ADAMTS17: variants seen among roughly 807,000 people sequenced by gnomAD.
The protein encoded by ADAMTS17 is A disintegrin and metalloproteinase with thrombospondin motifs 17.
Under a neutral mutation model 141.5 loss-of-function variants are expected in ADAMTS17, and 113 were observed. That is an observed-to-expected ratio of 0.80 (90% CI 0.69 to 0.93). The LOEUF is 0.93. Among genes scored for constraint, ADAMTS17 ranks in the 40% least tolerant of loss-of-function variants. The probability of loss-of-function intolerance (pLI) is 0.00; values close to 1 mark genes in which losing one functional copy is unlikely to be tolerated. For synonymous variants in ADAMTS17, 768 were observed against 630.6 expected, an observed-to-expected ratio of 1.22 and a Z score of -3.27; for missense variants, 1,659 against 1,517.9, an observed-to-expected ratio of 1.09 and a Z score of -1.54.
chr15:100,014,381 C>T (rs1394980754), intron 18 of ADAMTS17, among the ~76,000 whole-genome samples: 2 of 152,024 alleles, frequency 1.3e-5, no homozygotes, highest in Non-Finnish European at 2.9e-5. Context: ...TAGTTCTGCT[C>T]TGATCTTGGT....
At chr15:100,209,704 G>C (rs1757817012) in intron 7 of ADAMTS17, among the ~76,000 whole-genome samples, 2 of 152,114 alleles carry the variant, frequency 1.3e-5, no homozygotes. Context: ...ACTCGTGGCA[G>C]AATCAGTGGC....
At chr15:100,123,723 G>A (rs866991813) in intron 12 of ADAMTS17, among the ~76,000 whole-genome samples, 7 of 152,200 alleles carry the variant, frequency 4.6e-5, no homozygotes, top group Non-Finnish European at 4.4e-5. Flanking sequence ...GGAAATCAAC[G>A]CTCCAACAGG....
Position 99,972,307 on chromosome 15 carries a change from TTAGGGGAAC to T in ADAMTS17, c.*2086_*2094del, listed in dbSNP as rs1035618128. The T allele has an allele frequency of 6.6e-6, 1 of 152,026 alleles. No homozygotes were observed. Among genetic ancestry groups the T allele is most frequent in the African/African-American group, 2.4e-5 (1 of 41,404 alleles). 9.4% of individuals were successfully genotyped at this position (152,026 alleles called of 1,614,324 possible). A position where few individuals can be genotyped will look rare whatever the true frequency, so the allele number is the denominator to read the frequency against. On this transcript the variant is annotated 3_prime_UTR_variant, in exon 22 of 22. Transcript: ENST00000268070. Reference sequence around the variant, plus strand: ...TAAAAGAGCTCTGCAGATGCAGACTTTAGGGGAACTAATGGGGGTATCTGACAATAACCC... The same window carrying T: ...TAAAAGAGCTCTGCAGATGCAGACTTTAATGGGGGTATCTGACAATAACCC...
intron 18 of ADAMTS17, among the ~76,000 whole-genome samples, chr15:100,031,430 A>G (rs2030154233): frequency 6.6e-6 from 1 of 152,244 alleles, no homozygotes; most frequent in African/African-American, 2.4e-5. Context: ...GAGTAGGACT[A>G]GAGGAAGAAG....
At position 100,152,623 on chromosome 15, in the gene ADAMTS17, T is replaced by C; in HGVS notation, c.1462A>G (p.Arg488Gly). Residue 488 changes from arginine (R) to glycine (G), a missense_variant, in exon 10 of 22, where the codon AGA (arginine) becomes GGA (glycine). Arg to Gly is a moderately radical substitution (Grantham distance 125). Transcript: ENST00000268070. ...CCACGGCTGCTTACCTCCATGTTTC[T>C]GCAGAAGGTGGCATTCATGCCAAAC... ...ILFGMNATFC[R>G]NMEHLMCAGL... 6.2e-7 allele frequency: 1 copy of C among 1,613,992 alleles called. No individual in the cohort carries two copies. The highest frequency in any genetic ancestry group is 1.1e-5 in the South Asian group (1 of 91,088).
At chr15:100,110,407 G>C (rs1239517849) in intron 13 of ADAMTS17, among the ~76,000 whole-genome samples, 1 of 151,434 alleles carries the variant, frequency 6.6e-6, no homozygotes. Context: ...TGGGACTACA[G>C]GCACCCGCCA....
intron 18 of ADAMTS17, among the ~76,000 whole-genome samples, chr15:100,000,022 C>T (rs2060888562): frequency 6.6e-6 from 1 of 152,202 alleles, no homozygotes; most frequent in South Asian, 2.1e-4. Context: ...GCCACAGTGA[C>T]TCCCTTGGGG....
chr15:100,321,665 T>C (rs1293382238), intron 3 of ADAMTS17, among the ~76,000 whole-genome samples: 1 of 152,216 alleles, frequency 6.6e-6, no homozygotes, highest in Non-Finnish European at 1.5e-5. Context: ...CTCATACACC[T>C]GTGTGCACCA....
In ADAMTS17 at chr15:100,215,075, G is replaced by C. The variant is rs1234217210; in HGVS notation, c.1076-15652C>G. ...CCCATCCAAAAACATAACAACCCAA[G>C]AATGTGGACTGCTGTTTCCTGACCC... On this transcript the variant is annotated intron_variant, in intron 7 of 21. Transcript: ENST00000268070. Among the ~76,000 whole-genome samples the C allele has an allele frequency of 2.0e-5, 3 of 152,212 alleles. No individual in the cohort carries two copies. In the East Asian group the frequency reaches 5.8e-4, roughly 29 times the overall value.
Position 100,341,387 on chromosome 15 carries a change from G to C in ADAMTS17, c.102C>G (p.Asp34Glu), listed in dbSNP as rs2046362118. Residue 34 changes from aspartate (D) to glutamate (E), a missense_variant, in exon 2 of 22, where the codon GAC becomes GAG. Transcript: ENST00000268070. ...CCCGCCACGGGAGCACCACCTCCAC[G>C]TCGGCCGCCGCGTCGCCGACAGCTG... ...PGTAVGDAAA[D>E]VEVVLPWRVR... 2.0e-6 allele frequency: 2 copies of C among 1,016,732 alleles called. No homozygotes were observed. Among genetic ancestry groups the C allele is most frequent in the African/African-American group, 1.7e-5 (1 of 57,574 alleles). 63.0% of individuals were successfully genotyped at this position (1,016,732 alleles called of 1,614,324 possible).
intron 15 of ADAMTS17, among the ~76,000 whole-genome samples, chr15:100,088,149 T>C (rs906341754): frequency 6.6e-6 from 1 of 152,158 alleles, no homozygotes; most frequent in Admixed American, 6.5e-5. Flanking sequence ...AGTCTCAGGA[T>C]ACAAAATCAA....
intron 7 of ADAMTS17, among the ~76,000 whole-genome samples, chr15:100,244,938 G>C (rs941989236): frequency 2.0e-5 from 3 of 152,110 alleles, no homozygotes; most frequent in South Asian, 2.1e-4. Context: ...TCGTGTTTTC[G>C]GGGAGGGCTT....
intron 8 of ADAMTS17, among the ~76,000 whole-genome samples, chr15:100,165,992 T>C (rs939994664): frequency 3.3e-5 from 5 of 152,210 alleles, no homozygotes; most frequent in Admixed American, 1.3e-4. Flanking sequence ...TAATTTGAGA[T>C]TGCACTGAAT....
At chr15:100,165,257 C>A (rs940390908) in intron 8 of ADAMTS17, among the ~76,000 whole-genome samples, 3 of 152,228 alleles carry the variant, frequency 2.0e-5, no homozygotes, top group African/African-American at 7.2e-5. Context: ...TTCTCCACTC[C>A]ATCAGCTCTC....
intron 8 of ADAMTS17, among the ~76,000 whole-genome samples, chr15:100,180,286 A>T (rs544993194): frequency 6.6e-6 from 1 of 152,116 alleles, no homozygotes; most frequent in Non-Finnish European, 1.5e-5. Context: ...CCTTTCCCCA[A>T]CGTATGTTCT....
intron 13 of ADAMTS17, among the ~76,000 whole-genome samples, chr15:100,109,692 A>T (rs1413879935): frequency 6.6e-6 from 1 of 152,104 alleles, no homozygotes; most frequent in Non-Finnish European, 1.5e-5. Flanking sequence ...GACAACTTAT[A>T]AGAGCCGCAT....
intron 7 of ADAMTS17, among the ~76,000 whole-genome samples, chr15:100,242,386 C>T (rs2042854921): frequency 6.6e-6 from 1 of 152,234 alleles, no homozygotes; most frequent in South Asian, 2.1e-4. Flanking sequence ...TCAGTGCCCA[C>T]ATGGTCCAAT....
intron 8 of ADAMTS17, among the ~76,000 whole-genome samples, chr15:100,168,913 G>A (rs2040053811): frequency 6.6e-6 from 1 of 152,182 alleles, no homozygotes; most frequent in Admixed American, 6.5e-5. Flanking sequence ...TTGCCCCCCA[G>A]GTGCTTTGTA....
At chr15:100,037,649 T>A (rs1036313298) in intron 18 of ADAMTS17, among the ~76,000 whole-genome samples, 38 of 152,226 alleles carry the variant, frequency 2.5e-4, no homozygotes, top group South Asian at 4.2e-4. Flanking sequence ...GCTCAGGAGA[T>A]CCGTCTGCCT....
Sources: gnomAD v4.1 joint callset for allele counts (sites outside exome capture counted in the v4.1 genomes callset) on GRCh38, gnomAD v4.1.1 for gene constraint, MANE v1.5 for transcripts, NCBI Gene and HGNC (gene_info 2026-07-23, HGNC 2026-07-21) for gene names.